ERBB4: variants seen among roughly 807,000 people sequenced by gnomAD.
ERBB4 encodes erb-b2 receptor tyrosine kinase 4, also known as receptor tyrosine-protein kinase erbB-4.
ERBB4 carries 42 observed loss-of-function variants against 158.0 expected under a neutral mutation model. The ratio of observed to expected loss-of-function variants is 0.27; its 90% CI spans 0.21 to 0.34. The LOEUF (loss-of-function observed/expected upper bound fraction) is 0.34. Ranked by LOEUF, ERBB4 falls within the 10% of genes least tolerant of loss-of-function variation. The pLI is 1.00. For synonymous variants in ERBB4, 583 were observed against 558.7 expected (o/e 1.04, Z -0.61); for missense variants, 1,333 against 1,624.1 (o/e 0.82, Z 3.08).
intron 1 of ERBB4, among the ~76,000 whole-genome samples, chr2:212,184,852 T>A (rs2081971133): frequency 6.6e-6 from 1 of 151,844 alleles, no homozygotes. Flanking sequence ...AAAATAAGTA[T>A]TTTTTTTCTT....
intron 1 of ERBB4, among the ~76,000 whole-genome samples, chr2:212,333,418 T>C (rs1054331540): frequency 4.0e-5 from 6 of 151,512 alleles, no homozygotes; most frequent in Admixed American, 6.6e-5. Context: ...GTGGCTAATG[T>C]ATATAATTTC....
intron 26 of ERBB4, among the ~76,000 whole-genome samples, 175 bp from the exon 27 acceptor site, chr2:211,387,325 C>T (rs1352724566): frequency 1.3e-5 from 2 of 152,140 alleles, no homozygotes; most frequent in Non-Finnish European, 2.9e-5. Flanking sequence ...CCTAAAATTT[C>T]CACTTTTCTT....
At chr2:211,767,450 T>A (rs1338954206) in intron 4 of ERBB4, among the ~76,000 whole-genome samples, 5 of 152,234 alleles carry the variant, frequency 3.3e-5, no homozygotes, top group Non-Finnish European at 5.9e-5. Flanking sequence ...ACTCAATATA[T>A]AATTTTATTT....
chr2:212,056,641 A>G (rs1411731591), intron 2 of ERBB4, among the ~76,000 whole-genome samples: 2 of 152,254 alleles, frequency 1.3e-5, no homozygotes, highest in Non-Finnish European at 2.9e-5. Context: ...CTTAAAGAAA[A>G]GAATTTTCAA....
At chr2:211,863,013 T>C (rs939312203) in intron 3 of ERBB4, among the ~76,000 whole-genome samples, 2 of 152,064 alleles carry the variant, frequency 1.3e-5, no homozygotes, top group Admixed American at 6.5e-5. Flanking sequence ...CATTCAGCAC[T>C]CTGTCTAGCT....
intron 2 of ERBB4, among the ~76,000 whole-genome samples, chr2:212,074,034 A>T (rs982355962): frequency 1.3e-5 from 2 of 152,046 alleles, no homozygotes; most frequent in Non-Finnish European, 1.5e-5. Context: ...TGATCCAGCC[A>T]AGAAAGCACA....
At chr2:211,523,457 G>C (rs143625606) in intron 20 of ERBB4, among the ~76,000 whole-genome samples, 2 of 151,282 alleles carry the variant, frequency 1.3e-5, no homozygotes, top group Non-Finnish European at 2.9e-5. Context: ...GGACCCTTGC[G>C]GTGAGTGTTA....
chr2:212,425,362 A>G (rs10197215), intron 1 of ERBB4, among the ~76,000 whole-genome samples: 16,045 of 147,698 alleles, frequency 0.11, 896 homozygotes, highest in African/African-American at 0.15. Context: ...ACATATATGT[A>G]TATGTATACA....
In ERBB4 at chr2:211,628,950, T is replaced by C. The variant is rs186996197; in HGVS notation, c.2079+1512A>G. Among the ~76,000 whole-genome samples the C allele has an allele frequency of 5.6e-3, 852 of 152,360 alleles. 9 individuals carry two copies. The highest frequency in any genetic ancestry group is 0.019 in the African/African-American group (782 of 41,582). ...GATGAGCATTTTTTCATGTGTCTTT[T>C]GGCTGCATGAATGTCTTCTTTTGAG... is the stretch of plus-strand genomic sequence containing the variant. On this transcript the variant is annotated intron_variant, in intron 17 of 27. Coordinates refer to ENST00000342788, the MANE Select transcript of ERBB4 (RefSeq NM_005235.3).
intron 1 of ERBB4, among the ~76,000 whole-genome samples, chr2:212,172,492 T>C (rs1375941380): frequency 6.6e-6 from 1 of 152,110 alleles, no homozygotes; most frequent in Non-Finnish European, 1.5e-5. Flanking sequence ...CTGTTCACAA[T>C]AGCAAAGACA....
chr2:212,538,262 A>G (rs1693218263), intron 1 of ERBB4, among the ~76,000 whole-genome samples, 187 bp downstream of exon 1: 1 of 152,188 alleles, frequency 6.6e-6, no homozygotes, highest in Non-Finnish European at 1.5e-5. Context: ...CACGATAAAT[A>G]AAGCAAACGC....
chr2:212,230,094 G>A (rs755248115), intron 1 of ERBB4, among the ~76,000 whole-genome samples: 2 of 152,162 alleles, frequency 1.3e-5, no homozygotes, highest in Non-Finnish European at 2.9e-5. Context: ...AGATGAGCCT[G>A]GCCAACACGG....
chr2:211,832,912 A>G (rs965851580), intron 3 of ERBB4, among the ~76,000 whole-genome samples: 1 of 150,878 alleles, frequency 6.6e-6, no homozygotes, highest in Non-Finnish European at 1.5e-5. Flanking sequence ...TGCAGGTGAT[A>G]TGTTGACATA....
chr2:211,586,908 C>T (rs1317418234), intron 19 of ERBB4, among the ~76,000 whole-genome samples: 1 of 151,910 alleles, frequency 6.6e-6, no homozygotes, highest in Non-Finnish European at 1.5e-5. Flanking sequence ...ATGATGTCTC[C>T]CAAGAAAAAT....
At chr2:212,521,202 C>A (rs929759972) in intron 1 of ERBB4, among the ~76,000 whole-genome samples, 1 of 151,606 alleles carries the variant, frequency 6.6e-6, no homozygotes, top group African/African-American at 2.4e-5. Flanking sequence ...CTTTAAAAAA[C>A]AATAAGGATG....
At chr2:211,825,546 A>G (rs181253028) in intron 3 of ERBB4, among the ~76,000 whole-genome samples, 33 of 151,824 alleles carry the variant, frequency 2.2e-4, no homozygotes, top group Non-Finnish European at 3.7e-4. Context: ...CCAGCTGATT[A>G]TCTAATTGTT....
At position 211,387,946 on chromosome 2, in the gene ERBB4, C is replaced by T. The variant is rs372352845; in HGVS notation, c.3182G>A (p.Gly1061Glu). 70 of 1,607,160 alleles carry T rather than the reference C, an allele frequency of 4.4e-5. No individual in the cohort carries two copies. The highest frequency in any genetic ancestry group is 5.6e-5 in the Non-Finnish European group (66 of 1,173,930). ...GAAGGTTGATTGTGAAATACTTACT[C>T]CTGACATGGGGGTGTAGGCAGGAGG... is the stretch of plus-strand genomic sequence containing the variant. ...SPPPAYTPMSGNQFVYRDGGF... is the reference protein window; with the variant it reads ...SPPPAYTPMSENQFVYRDGGF... Residue 1061 changes from glycine (G) to glutamate (E), a missense_variant and splice_region_variant, in exon 26 of 28, where the codon GGA becomes GAA. Coordinates refer to ENST00000342788, the MANE Select transcript of ERBB4 (RefSeq NM_005235.3).
At chr2:212,519,603 C>T (rs540475829) in intron 1 of ERBB4, among the ~76,000 whole-genome samples, 199 of 151,910 alleles carry the variant, frequency 1.3e-3, no homozygotes, top group African/African-American at 4.6e-3. Context: ...ACTATTCAGC[C>T]ATTAAGAAAA....
At chr2:212,171,470 A>G (rs1207653420) in intron 1 of ERBB4, among the ~76,000 whole-genome samples, 1 of 152,074 alleles carries the variant, frequency 6.6e-6, no homozygotes, top group Non-Finnish European at 1.5e-5. Context: ...TCTGAAATGT[A>G]AAACGGATGT....
Sources: allele counts gnomAD v4.1 joint callset (sites outside exome capture counted in the v4.1 genomes callset), GRCh38; gene constraint gnomAD v4.1.1; transcripts MANE v1.5; gene names NCBI Gene and HGNC (gene_info 2026-07-23, HGNC 2026-07-21).